ERP44: variants seen among roughly 807,000 people sequenced by gnomAD.
ERP44 encodes endoplasmic reticulum protein 44.
A neutral mutation model predicts 53.4 loss-of-function variants in ERP44; 25 were observed. The ratio of observed to expected loss-of-function variants is 0.47; its 90% CI spans 0.34 to 0.65. The LOEUF (loss-of-function observed/expected upper bound fraction) is 0.65, where lower values mean the gene tolerates loss of function less well. Among genes scored for constraint, ERP44 ranks in the 30% least tolerant of loss-of-function variants. The pLI is 0.01. For missense variants in ERP44, 338 were observed against 493.2 expected, an observed-to-expected ratio of 0.69 and a Z score of 2.98; for synonymous variants, 145 against 161.2, an observed-to-expected ratio of 0.90 and a Z score of 0.76.
chr9:100,041,222 G>GC (rs1375906561), intron 4 of ERP44, among the ~76,000 whole-genome samples: 3 of 152,076 alleles, frequency 2.0e-5, no homozygotes, highest in African/African-American at 7.2e-5. Context: ...CAAAACTGGA[G>GC]GAATCCCATC....
chr9:100,006,766 A>G (rs1830428826), intron 9 of ERP44, 119 bp from the exon 10 acceptor site: 5 of 628,284 alleles, frequency 8.0e-6, no homozygotes, highest in Admixed American at 3.4e-5. Flanking sequence ...TCTTAAGAGT[A>G]ATATAGATCA....
intron 10 of ERP44, chr9:99,998,998 A>C: frequency 8.2e-7 from 1 of 1,223,084 alleles, no homozygotes; most frequent in Non-Finnish European, 1.2e-6. Flanking sequence ...AAAGAACTGG[A>C]AGTAGTCGTG....
Position 100,055,396 on chromosome 9 carries a change from G to A in ERP44, c.170+2424C>T, listed in dbSNP as rs1193661286. Among the ~76,000 whole-genome samples, 7 of 152,126 alleles carry A rather than the reference G, an allele frequency of 4.6e-5. No individual in the cohort carries two copies. The South Asian group carries it at 1.0e-3, about 23-fold the overall frequency. ...GTTTGTTTTTGTTTTTGTTTGAGAC[G>A]GAGTCTCGCTCTGTCACTCAGGCTG... On this transcript the variant is annotated intron_variant, in intron 3 of 11. Coordinates refer to ENST00000262455, the MANE Select transcript of ERP44 (RefSeq NM_015051.3).
intron 1 of ERP44, among the ~76,000 whole-genome samples, chr9:100,082,979 A>G (rs1207058266): frequency 2.6e-5 from 4 of 152,178 alleles, no homozygotes; most frequent in Non-Finnish European, 1.5e-5. Flanking sequence ...CTAATTATGA[A>G]TCATAACCCA....
rs180720949 is a variant in ERP44, at chr9:100,093,150, G to C, written c.57+5634C>G. On this transcript the variant is annotated intron_variant, in intron 1 of 11. Coordinates refer to ENST00000262455, the MANE Select transcript of ERP44 (RefSeq NM_015051.3). ...AAGCTACAGTGCATTTAAAGGTTGA[G>C]CTTCTATAATGCTATTAAAAATCAC... 2.6e-5 allele frequency among the ~76,000 whole-genome samples: 4 copies of C among 152,192 alleles called. No individual in the cohort carries two copies. In the East Asian group the frequency reaches 7.7e-4, roughly 29 times the overall value.
intron 1 of ERP44, among the ~76,000 whole-genome samples, chr9:100,064,064 T>C (rs1460787279): frequency 6.6e-6 from 1 of 152,232 alleles, no homozygotes; most frequent in Non-Finnish European, 1.5e-5. Flanking sequence ...TTATTAAAAA[T>C]TTATATCTCT....
intron 10 of ERP44, among the ~76,000 whole-genome samples, chr9:99,996,681 C>T (rs547387039): frequency 1.3e-5 from 2 of 152,234 alleles, no homozygotes; most frequent in Non-Finnish European, 2.9e-5. Flanking sequence ...CCTCACCCAC[C>T]TCCCACCCTT....
At chr9:100,055,224 G>C (rs1445713874) in intron 3 of ERP44, among the ~76,000 whole-genome samples, 1 of 152,030 alleles carries the variant, frequency 6.6e-6, no homozygotes, top group African/African-American at 2.4e-5. Flanking sequence ...AATATAGTTA[G>C]AATGAATAAG....
At chr9:100,065,883 T>C (rs1473148010) in intron 1 of ERP44, among the ~76,000 whole-genome samples, 1 of 152,262 alleles carries the variant, frequency 6.6e-6, no homozygotes, top group East Asian at 1.9e-4. Context: ...AAGTGTTTTC[T>C]TAGAATATCT....
rs764153171 is a variant in ERP44, at chr9:100,016,318, A to G, written c.762+4T>C. ...AGTAACAATGCACAGTAGAAAGCCC[A>G]TACCTCTCCATTTTCAAATGTTATT... is the stretch of plus-strand genomic sequence containing the variant. On this transcript the variant is annotated splice_donor_region_variant and intron_variant, in intron 8 of 11. Transcript: ENST00000262455. 6.2e-7 allele frequency: 1 copy of G among 1,607,644 alleles called. No individual in the cohort carries two copies. Among genetic ancestry groups the G allele is most frequent in the Non-Finnish European group, 8.5e-7 (1 of 1,177,990 alleles).
At chr9:99,988,216 A>T (rs1480086375) in intron 10 of ERP44, among the ~76,000 whole-genome samples, 2 of 152,212 alleles carry the variant, frequency 1.3e-5, no homozygotes, top group African/African-American at 2.4e-5. Flanking sequence ...TGCCATCCCT[A>T]TATCTTCTTT....
At chr9:100,009,836 T>C (rs1302723690) in intron 8 of ERP44, among the ~76,000 whole-genome samples, 1 of 152,208 alleles carries the variant, frequency 6.6e-6, no homozygotes, top group African/African-American at 2.4e-5. Context: ...TTTTCCCATT[T>C]TCTTTAGTAC....
Position 100,098,786 on chromosome 9 carries a change from G to C in ERP44, c.55C>G (p.Leu19Val). 6.2e-7 allele frequency: 1 copy of C among 1,613,620 alleles called. No homozygotes were observed. Among genetic ancestry groups the C allele is most frequent in the Non-Finnish European group, 8.5e-7 (1 of 1,179,596 alleles). The change falls in exon 1 of 12, where the codon CTG becomes GTG. Residue 19 changes from leucine (L) to valine (V), a missense_variant and splice_region_variant. Leu to Val is a conservative substitution (Grantham distance 32). Transcript: ENST00000262455. ...GGGTCTGTCATTCCCTCACTCACCAGGAGCAGAAGGGAGCATCTGAGGTCG... is the reference window on the plus strand; with the variant it reads ...GGGTCTGTCATTCCCTCACTCACCACGAGCAGAAGGGAGCATCTGAGGTCG... ...LPDLRCSLLL[L>V]VTWVFTPVTT...
At chr9:100,027,620 C>T (rs1012020888) in intron 4 of ERP44, among the ~76,000 whole-genome samples, 1 of 152,138 alleles carries the variant, frequency 6.6e-6, no homozygotes, top group Non-Finnish European at 1.5e-5. Context: ...AGGTTAACAG[C>T]TCACTGATTG....
At chr9:100,035,689 T>A (rs1825842448) in intron 4 of ERP44, among the ~76,000 whole-genome samples, 1 of 147,060 alleles carries the variant, frequency 6.8e-6, no homozygotes, top group South Asian at 2.1e-4. Flanking sequence ...AAAATAAGAA[T>A]AAAAATAAAA....
intron 10 of ERP44, among the ~76,000 whole-genome samples, chr9:100,002,125 A>G (rs1372482583): frequency 1.2e-4 from 2 of 16,114 alleles, no homozygotes; most frequent in Non-Finnish European, 1.0e-4. Flanking sequence ...TAAAAACTTT[A>G]TTCACATAAA....
intron 10 of ERP44, among the ~76,000 whole-genome samples, chr9:100,003,062 TC>T (rs1367336679): frequency 2.0e-5 from 3 of 152,230 alleles, no homozygotes; most frequent in Non-Finnish European, 4.4e-5. Flanking sequence ...TTCTAATTGT[TC>T]AATTCTGTTG....
At chr9:100,010,184 A>G (rs1359759574) in intron 8 of ERP44, among the ~76,000 whole-genome samples, 1 of 152,248 alleles carries the variant, frequency 6.6e-6, no homozygotes, top group African/African-American at 2.4e-5. Flanking sequence ...CATGCTGCTT[A>G]GGCTTCCAAG....
rs1473570544 is a variant in ERP44 at position 100,057,810 on chromosome 9, G to T, written c.170+10C>A. The stretch of plus-strand genomic sequence containing the variant: ...AAACAAAACCAAACCCAAACAATAA[G>T]ATTACTTACCAGTCAGCATAAAAAT... On this transcript the variant is annotated intron_variant, in intron 3 of 11. Coordinates refer to ENST00000262455, the MANE Select transcript of ERP44 (RefSeq NM_015051.3). 3.7e-6 allele frequency: 6 copies of T among 1,600,818 alleles called. No individual in the cohort carries two copies. Among genetic ancestry groups the T allele is most frequent in the Non-Finnish European group, 5.1e-6 (6 of 1,172,582 alleles).
Sources: gnomAD v4.1 joint callset for allele counts (sites outside exome capture counted in the v4.1 genomes callset) on GRCh38, gnomAD v4.1.1 for gene constraint, MANE v1.5 for transcripts, NCBI Gene and HGNC (gene_info 2026-07-23, HGNC 2026-07-21) for gene names.